The following CCDC73 variants were observed in gnomAD, a reference collection of about 807,000 sequenced individuals.
CCDC73 encodes coiled-coil domain containing 73, also known as coiled-coil domain-containing protein 73.
CCDC73 carries 95 observed loss-of-function variants against 116.5 expected under a neutral mutation model. The observed-to-expected ratio is 0.82, with a 90% CI of 0.69 to 0.97. The LOEUF (loss-of-function observed/expected upper bound fraction) is 0.97, where lower values mean the gene tolerates loss of function less well. CCDC73 is among the 50% of genes least tolerant of loss of function. The pLI is 0.00. For synonymous variants in CCDC73, 398 were observed against 401.3 expected (o/e 0.99, Z 0.10); for missense variants, 1,066 against 1,206.8 (o/e 0.88, Z 1.73).
At chr11:32,635,569 AG>A in intron 14 of CCDC73, 126 bp downstream of exon 14, 1 of 818,352 alleles carries the variant, frequency 1.2e-6, no homozygotes, top group Non-Finnish European at 1.6e-6. Context: ...AAAATGTATT[AG>A]AGACCATATG....
chr11:32,618,970 T>C (rs537829561), intron 14 of CCDC73, among the ~76,000 whole-genome samples: 2 of 152,326 alleles, frequency 1.3e-5, no homozygotes, highest in Non-Finnish European at 2.9e-5. Context: ...TGGCTGCTCA[T>C]ATGTCTTCTT....
chr11:32,641,597 A>G (rs1400959233), intron 13 of CCDC73, among the ~76,000 whole-genome samples: 1 of 151,814 alleles, frequency 6.6e-6, no homozygotes, highest in African/African-American at 2.4e-5. Context: ...TCAGTTAATA[A>G]TAGTACATAT....
At position 32,613,904 on chromosome 11, in the gene CCDC73, T is replaced by C. The variant is rs1437275360; in HGVS notation, c.2414A>G (p.Glu805Gly). 2 of 1,612,806 alleles carry C rather than the reference T, an allele frequency of 1.2e-6. No individual in the cohort carries two copies. The highest frequency in any genetic ancestry group is 3.3e-5 in the Admixed American group (2 of 60,016). Residue 805 changes from glutamate (E) to glycine (G), a missense_variant, in exon 16 of 18, where the codon GAG becomes GGG. Transcript: ENST00000335185. ...AVHMKTCTET[E>G]FSNKKNQIDE... is the part of the protein sequence containing the mutation. The stretch of plus-strand genomic sequence containing the variant: ...AATCTGATTCTTTTTATTGGAAAAC[T>C]CTGTTTCTGTGCAAGTTTTCATGTG...
rs190326467 is a variant in CCDC73, at chr11:32,673,269, T to C, written c.645+2296A>G. Among the ~76,000 whole-genome samples the C allele has an allele frequency of 4.1e-3, 629 of 152,164 alleles. 3 individuals are homozygous for C. The highest frequency in any genetic ancestry group is 0.027 in the South Asian group (132 of 4,812). On this transcript the variant is annotated intron_variant, in intron 9 of 17. Transcript: ENST00000335185. ...CATCCAAAACACTGACAACACCAAA[T>C]GCTAGTGAGGATGTGATAGTGGGAG...
At chr11:32,619,935 G>A (rs1459081785) in intron 14 of CCDC73, among the ~76,000 whole-genome samples, 1 of 152,056 alleles carries the variant, frequency 6.6e-6, no homozygotes, top group Admixed American at 6.6e-5. Flanking sequence ...CTTACAGAGA[G>A]TGTATTTTGA....
At chr11:32,752,159 C>T (rs796526677) in intron 2 of CCDC73, among the ~76,000 whole-genome samples, 8 of 152,290 alleles carry the variant, frequency 5.3e-5, no homozygotes, top group African/African-American at 1.7e-4. Flanking sequence ...CTTACCAAGC[C>T]TCTGCTTAGT....
Position 32,741,535 on chromosome 11 carries a change from T to G in CCDC73, c.135+18574A>C, listed in dbSNP as rs1170954946. Among the ~76,000 whole-genome samples, 4 of 152,120 alleles carry G rather than the reference T, an allele frequency of 2.6e-5. No individual in the cohort carries two copies. In the East Asian group the frequency reaches 7.7e-4, roughly 29 times the overall value. ...TTTTGGTTTCCATTTGCATGGAATA[T>G]CTTTTTCATCCCTTTATTTTTAGTC... On this transcript the variant is annotated intron_variant, in intron 2 of 17. Transcript: ENST00000335185.
intron 3 of CCDC73, among the ~76,000 whole-genome samples, chr11:32,716,046 C>T (rs900868236): frequency 2.0e-5 from 3 of 151,938 alleles, no homozygotes; most frequent in African/African-American, 7.3e-5. Context: ...TGATTTGCAC[C>T]TTTTGAAATA....
At chr11:32,687,714 G>T (rs1249245996) in intron 6 of CCDC73, among the ~76,000 whole-genome samples, 1 of 152,098 alleles carries the variant, frequency 6.6e-6, no homozygotes, top group African/African-American at 2.4e-5. Context: ...GACTGAGGGG[G>T]TGTGAGAACA....
chr11:32,814,691 G>T, the CCDC73 span, among the ~76,000 whole-genome samples: 17 of 152,170 alleles, frequency 1.1e-4, 4 homozygotes, highest in African/African-American at 4.1e-4. Flanking sequence ...ATATCCAAGA[G>T]AAATGAAACT....
intron 6 of CCDC73, among the ~76,000 whole-genome samples, chr11:32,690,383 GC>G (rs1308260718): frequency 6.6e-6 from 1 of 152,076 alleles, no homozygotes; most frequent in East Asian, 1.9e-4. Context: ...TATACTCCCT[GC>G]CCCACACATA....
At chr11:32,747,753 G>A (rs778278018) in intron 2 of CCDC73, among the ~76,000 whole-genome samples, 2 of 152,214 alleles carry the variant, frequency 1.3e-5, no homozygotes, top group Non-Finnish European at 2.9e-5. Context: ...TGGACCTGCC[G>A]AGACAGGCAC....
chr11:32,670,596 T>C (rs768998581), intron 9 of CCDC73, among the ~76,000 whole-genome samples: 8 of 152,186 alleles, frequency 5.3e-5, no homozygotes, highest in Non-Finnish European at 1.0e-4. Flanking sequence ...TAAAACGCAA[T>C]GTCCTATTGA....
At chr11:32,789,723 T>C (rs1202834975) in intron 1 of CCDC73, among the ~76,000 whole-genome samples, 1 of 152,152 alleles carries the variant, frequency 6.6e-6, no homozygotes, top group Non-Finnish European at 1.5e-5. Context: ...CAGCTAGCTA[T>C]GATCGTGCCA....
intron 9 of CCDC73, among the ~76,000 whole-genome samples, chr11:32,668,414 T>C (rs1046347560): frequency 1.3e-5 from 2 of 152,154 alleles, no homozygotes; most frequent in African/African-American, 4.8e-5. Context: ...TAAGAGAAAC[T>C]ACAAATTATA....
intron 14 of CCDC73, among the ~76,000 whole-genome samples, chr11:32,632,249 G>A (rs11031908): frequency 0.25 from 37,381 of 151,974 alleles, 4,736 homozygotes; most frequent in Middle Eastern, 0.28. Flanking sequence ...TCTTTGAGAC[G>A]GAGTCTCACT....
chr11:32,686,297 G>A (rs1856200617), intron 6 of CCDC73, among the ~76,000 whole-genome samples: 1 of 149,524 alleles, frequency 6.7e-6, no homozygotes, highest in African/African-American at 2.5e-5. Context: ...CCAGTTTTCA[G>A]GAGGCAGGAT....
At chr11:32,818,135 C>T in the CCDC73 span, among the ~76,000 whole-genome samples, 1 of 152,244 alleles carries the variant, frequency 6.6e-6, no homozygotes, top group Admixed American at 6.5e-5. Context: ...TCCTCTGTTG[C>T]ACTTTCCGCA....
chr11:32,776,025 C>T (rs1410485072), intron 1 of CCDC73, among the ~76,000 whole-genome samples: 4 of 152,116 alleles, frequency 2.6e-5, no homozygotes, highest in Non-Finnish European at 2.9e-5. Context: ...AAATCTTTGA[C>T]ATCTTTCTCT....
Sources: gnomAD v4.1 joint callset for allele counts (sites outside exome capture counted in the v4.1 genomes callset) on GRCh38, gnomAD v4.1.1 for gene constraint, MANE v1.5 for transcripts, NCBI Gene and HGNC (gene_info 2026-07-23, HGNC 2026-07-21) for gene names.